AGBL4: variants seen among roughly 807,000 people sequenced by gnomAD.
The protein encoded by AGBL4 is AGBL carboxypeptidase 4.
AGBL4 carries 58 observed loss-of-function variants against 66.4 expected under a neutral mutation model. The observed-to-expected ratio is 0.87, with a 90% confidence interval of 0.71 to 1.09. AGBL4 has a LOEUF of 1.09. AGBL4 is among the 50% of genes least tolerant of loss of function. AGBL4 has a pLI of 0.00. For missense variants in AGBL4, 579 were observed against 631.0 expected (o/e 0.92, Z 0.88); for synonymous variants, 234 against 222.9 (o/e 1.05, Z -0.44).
chr1:49,993,643 C>T (rs1660130344), intron 1 of AGBL4, among the ~76,000 whole-genome samples: 1 of 152,144 alleles, frequency 6.6e-6, no homozygotes, highest in Non-Finnish European at 1.5e-5. Context: ...TTGCTAATAT[C>T]ATGAGAAGTA....
chr1:49,772,993 T>C (rs1236451173), intron 2 of AGBL4, among the ~76,000 whole-genome samples: 2 of 152,218 alleles, frequency 1.3e-5, no homozygotes, highest in Non-Finnish European at 2.9e-5. Flanking sequence ...GATCACTTAA[T>C]AGCGTCTCAT....
At chr1:49,933,785 A>G (rs1653622101) in intron 1 of AGBL4, among the ~76,000 whole-genome samples, 2 of 152,128 alleles carry the variant, frequency 1.3e-5, no homozygotes, top group African/African-American at 4.8e-5. Context: ...GACATAGAAA[A>G]GAAAAAGAGA....
At chr1:48,835,012 T>G (rs984943333) in intron 6 of AGBL4, among the ~76,000 whole-genome samples, 2 of 152,168 alleles carry the variant, frequency 1.3e-5, no homozygotes, top group Non-Finnish European at 2.9e-5. Flanking sequence ...AACAAATGCC[T>G]TATCCTAATA....
intron 4 of AGBL4, among the ~76,000 whole-genome samples, chr1:49,067,028 A>G (rs3905053): frequency 0.63 from 96,033 of 151,990 alleles, 31,063 homozygotes; most frequent in African/African-American, 0.73. Flanking sequence ...CACCCCTCCT[A>G]CCTCACCAAG....
intron 2 of AGBL4, among the ~76,000 whole-genome samples, chr1:49,823,596 A>T (rs1422669336): frequency 6.6e-6 from 1 of 152,204 alleles, no homozygotes; most frequent in South Asian, 2.1e-4. Flanking sequence ...GAATGTCCCA[A>T]GCTGCTGAAG....
intron 6 of AGBL4, among the ~76,000 whole-genome samples, chr1:48,865,454 T>C (rs1030907355): frequency 6.6e-6 from 1 of 152,170 alleles, no homozygotes; most frequent in African/African-American, 2.4e-5. Flanking sequence ...TACACCAGTG[T>C]GCCACAACAC....
At chr1:49,081,499 A>G (rs1006439585) in intron 4 of AGBL4, among the ~76,000 whole-genome samples, 2 of 152,228 alleles carry the variant, frequency 1.3e-5, no homozygotes, top group African/African-American at 4.8e-5. Context: ...TGCTCAGGAA[A>G]TAGGAGGTAA....
intron 3 of AGBL4, among the ~76,000 whole-genome samples, chr1:49,261,363 C>G (rs1653144367): frequency 6.6e-6 from 1 of 152,172 alleles, no homozygotes; most frequent in African/African-American, 2.4e-5. Flanking sequence ...AAGAGGAAGT[C>G]AAATTGTCCC....
chr1:48,557,587 G>A (rs796260890), intron 11 of AGBL4, among the ~76,000 whole-genome samples: 23 of 152,318 alleles, frequency 1.5e-4, no homozygotes, highest in African/African-American at 5.5e-4. Context: ...CGGTTGCAGA[G>A]ATCAAAAGGT....
intron 2 of AGBL4, among the ~76,000 whole-genome samples, chr1:49,766,375 G>C (rs1396391149): frequency 6.6e-6 from 1 of 152,096 alleles, no homozygotes; most frequent in Non-Finnish European, 1.5e-5. Context: ...AATTTTTATA[G>C]ATGAGAAATC....
chr1:49,575,449 C>G (rs1369277654), intron 3 of AGBL4, among the ~76,000 whole-genome samples: 2 of 152,164 alleles, frequency 1.3e-5, no homozygotes, highest in Non-Finnish European at 2.9e-5. Context: ...GCTGCCTCTA[C>G]CTAGAAAAAA....
At position 49,485,324 on chromosome 1, in the gene AGBL4, G is replaced by A. The variant is rs1042180219; in HGVS notation, c.282+211989C>T. On this transcript the variant is annotated intron_variant, in intron 3 of 13. Coordinates refer to ENST00000371839, the MANE Select transcript of AGBL4 (RefSeq NM_032785.4). ...CCTTTGTAGGAACATGGATGAAGCT[G>A]GAAATCATCATTCTCAGCAAACTAT... Among the ~76,000 whole-genome samples, 7 of 151,844 alleles carry A rather than the reference G, an allele frequency of 4.6e-5. 1 individual carries two copies. The highest frequency in any genetic ancestry group is 4.2e-4 in the South Asian group (2 of 4,810).
chr1:48,586,152 T>C (rs1644816755), intron 11 of AGBL4: 1 of 152,152 alleles, frequency 6.6e-6, no homozygotes, highest in African/African-American at 2.4e-5. Context: ...GATATTAAAA[T>C]CAACACTCGG....
At chr1:48,758,970 C>T in intron 6 of AGBL4, 2 of 1,607,854 alleles carry the variant, frequency 1.2e-6, no homozygotes, top group African/African-American at 1.3e-5. Flanking sequence ...TCATTTCAGA[C>T]ACAAGTGCCC....
At chr1:48,546,285 G>C (rs1394108105) in intron 11 of AGBL4, among the ~76,000 whole-genome samples, 3 of 152,216 alleles carry the variant, frequency 2.0e-5, no homozygotes, top group Non-Finnish European at 4.4e-5. Flanking sequence ...ACGAACTTCA[G>C]TGTCTTCTAA....
At chr1:49,253,320 T>C (rs1652217985) in intron 3 of AGBL4, among the ~76,000 whole-genome samples, 1 of 152,108 alleles carries the variant, frequency 6.6e-6, no homozygotes, top group South Asian at 2.1e-4. Flanking sequence ...GGGCATTACA[T>C]ATGGTAAAAG....
At chr1:48,915,321 C>T (rs1653492750) in intron 5 of AGBL4, among the ~76,000 whole-genome samples, 1 of 152,192 alleles carries the variant, frequency 6.6e-6, no homozygotes, top group Non-Finnish European at 1.5e-5. Context: ...TCCTAGTCAT[C>T]CTTCAAGGCC....
chr1:48,567,432 T>C (rs1644494829), intron 11 of AGBL4, among the ~76,000 whole-genome samples: 1 of 152,070 alleles, frequency 6.6e-6, no homozygotes, highest in African/African-American at 2.4e-5. Context: ...TGGTGAGGTA[T>C]GGAGGGACTG....
chr1:49,071,944 T>C (rs1481988611), intron 4 of AGBL4, among the ~76,000 whole-genome samples: 1 of 152,162 alleles, frequency 6.6e-6, no homozygotes, highest in Non-Finnish European at 1.5e-5. Context: ...TGGGTGCATA[T>C]ATATTCAGGA....
Sources: gnomAD v4.1 joint callset for allele counts (sites outside exome capture counted in the v4.1 genomes callset) on GRCh38, gnomAD v4.1.1 for gene constraint, MANE v1.5 for transcripts, NCBI Gene and HGNC (gene_info 2026-07-23, HGNC 2026-07-21) for gene names.